STXBP5: variants seen among roughly 807,000 people sequenced by gnomAD.
The protein encoded by STXBP5 is syntaxin binding protein 5.
In STXBP5, 50 loss-of-function variants were observed where a neutral mutation model predicts 152.4. The ratio of observed to expected loss-of-function variants is 0.33; its 90% CI spans 0.26 to 0.42. The LOEUF is 0.42. Among genes scored for constraint, STXBP5 ranks in the 10% least tolerant of loss-of-function variants. The pLI is 1.00. For synonymous variants in STXBP5, 492 were observed against 494.7 expected, an observed-to-expected ratio of 0.99 and a Z score of 0.07; for missense variants, 1,167 against 1,388.6, an observed-to-expected ratio of 0.84 and a Z score of 2.54.
At chr6:147,223,563 T>C (rs1462529202) in intron 2 of STXBP5, among the ~76,000 whole-genome samples, 4 of 152,218 alleles carry the variant, frequency 2.6e-5, no homozygotes, top group African/African-American at 9.6e-5. Flanking sequence ...AAGGTAATGC[T>C]TAATTATACT....
At chr6:147,357,959 T>A (rs577319765) in intron 22 of STXBP5, among the ~76,000 whole-genome samples, 2 of 152,250 alleles carry the variant, frequency 1.3e-5, no homozygotes, top group Admixed American at 1.3e-4. Context: ...TGAGACAAGC[T>A]TGGGATTAGC....
rs191039871 is a variant in STXBP5 at position 147,313,715 on chromosome 6, T to C, written c.1146-169T>C. On this transcript the variant is annotated intron_variant, in intron 11 of 27. Coordinates refer to ENST00000321680, the MANE Select transcript of STXBP5 (RefSeq NM_001127715.4). ...AGAGCCTTTCTGTTTACTATTCTAA[T>C]TGAGCAATTTTCATTATAAAAGACT... 2.8e-3 allele frequency among the ~76,000 whole-genome samples: 424 copies of C among 152,310 alleles called. 4 individuals carry two copies. The highest frequency in any genetic ancestry group is 9.6e-3 in the African/African-American group (401 of 41,588).
At chr6:147,367,027 C>A (rs568082300) in intron 25 of STXBP5, among the ~76,000 whole-genome samples, 1 of 152,242 alleles carries the variant, frequency 6.6e-6, no homozygotes, top group South Asian at 2.1e-4. Flanking sequence ...CCAGAACTGA[C>A]ATACATACCA....
At position 147,260,759 on chromosome 6, in the gene STXBP5, A is replaced by T; in HGVS notation, c.566+10A>T. 6.2e-7 allele frequency: 1 copy of T among 1,611,574 alleles called. No individual in the cohort carries two copies. The highest frequency in any genetic ancestry group is 8.5e-7 in the Non-Finnish European group (1 of 1,178,980). On this transcript the variant is annotated intron_variant, in intron 5 of 27. Transcript: ENST00000321680. ...ATAAAGCCATTGAACTGTGAGTTTG[A>T]ACAAATATTTTGTATCTGAAAGCAT...
At chr6:147,274,371 C>G (rs979465764) in intron 7 of STXBP5, among the ~76,000 whole-genome samples, 1 of 152,012 alleles carries the variant, frequency 6.6e-6, no homozygotes, top group African/African-American at 2.4e-5. Flanking sequence ...CAGTTTATAA[C>G]TATTTATAAT....
chr6:147,346,694 T>C (rs1365674821), intron 21 of STXBP5, among the ~76,000 whole-genome samples: 2 of 151,650 alleles, frequency 1.3e-5, no homozygotes, highest in African/African-American at 4.8e-5. Flanking sequence ...GAGCCAAGAT[T>C]GCACCACTTC....
intron 21 of STXBP5, among the ~76,000 whole-genome samples, chr6:147,348,648 T>C (rs1196937407): frequency 6.6e-6 from 1 of 152,170 alleles, no homozygotes; most frequent in Non-Finnish European, 1.5e-5. Context: ...TCAGAGCTCC[T>C]TGGAGTTGGG....
At chr6:147,271,234 A>G (rs1242164075) in intron 7 of STXBP5, among the ~76,000 whole-genome samples, 3 of 152,170 alleles carry the variant, frequency 2.0e-5, no homozygotes, top group African/African-American at 7.2e-5. Flanking sequence ...TTTTAAAGAT[A>G]CAGATATGTT....
At chr6:147,379,088 A>T (rs1050382786) in intron 26 of STXBP5, among the ~76,000 whole-genome samples, 1 of 146,094 alleles carries the variant, frequency 6.8e-6, no homozygotes, top group African/African-American at 2.6e-5. Context: ...CTGAAGCCAC[A>T]TCTGTCTGCC....
chr6:147,220,403 G>A (rs1777400194), intron 2 of STXBP5, among the ~76,000 whole-genome samples: 1 of 152,074 alleles, frequency 6.6e-6, no homozygotes, highest in Non-Finnish European at 1.5e-5. Flanking sequence ...GGTAAAGAAT[G>A]GTGTTGAGTT....
At chr6:147,349,991 G>A (rs1384351082) in intron 21 of STXBP5, among the ~76,000 whole-genome samples, 2 of 152,156 alleles carry the variant, frequency 1.3e-5, no homozygotes, top group Non-Finnish European at 2.9e-5. Context: ...TGAAGTATCT[G>A]TCAAAGTTGG....
intron 6 of STXBP5, among the ~76,000 whole-genome samples, chr6:147,265,985 C>T (rs1779874364): frequency 6.6e-6 from 1 of 151,860 alleles, no homozygotes; most frequent in Non-Finnish European, 1.5e-5. Context: ...TCACAGAAGG[C>T]TTCCCAGAGG....
rs1011088991 is a variant in STXBP5, at chr6:147,389,879, C to T, written c.*5124C>T. ...AGTACTGTGATACTTTAGGTGTGAC[C>T]TCTATTCCACATGATAGTTAGAACC... On this transcript the variant is annotated 3_prime_UTR_variant, in exon 28 of 28. Transcript: ENST00000321680. The T allele has an allele frequency of 2.6e-5, 4 of 151,196 alleles. No individual in the cohort carries two copies. Among genetic ancestry groups the T allele is most frequent in the South Asian group, 4.2e-4 (2 of 4,806 alleles). 9.4% of individuals were successfully genotyped at this position (151,196 alleles called of 1,614,324 possible).
chr6:147,279,113 A>G (rs1375956588), intron 8 of STXBP5, among the ~76,000 whole-genome samples: 1 of 152,230 alleles, frequency 6.6e-6, no homozygotes, highest in Non-Finnish European at 1.5e-5. Context: ...CCAAGGGCCA[A>G]CCTTGTAAGC....
chr6:147,247,672 C>T (rs1778877014), intron 4 of STXBP5, among the ~76,000 whole-genome samples: 2 of 152,118 alleles, frequency 1.3e-5, no homozygotes, highest in South Asian at 4.1e-4. Flanking sequence ...AGAATTTCTC[C>T]TACAATTCTG....
intron 25 of STXBP5, among the ~76,000 whole-genome samples, chr6:147,365,288 A>T (rs1785243757): frequency 6.6e-6 from 1 of 152,158 alleles, no homozygotes; most frequent in Non-Finnish European, 1.5e-5. Flanking sequence ...AAAGATTCCT[A>T]AGTTTCTGAA....
At chr6:147,298,049 TATAAG>T (rs1443703804) in intron 9 of STXBP5, among the ~76,000 whole-genome samples, 1 of 152,050 alleles carries the variant, frequency 6.6e-6, no homozygotes, top group African/African-American at 2.4e-5. Context: ...ATTTCCCAAT[TATAAG>T]AGATATAGCA....
chr6:147,279,052 T>G (rs1780577796), intron 8 of STXBP5, among the ~76,000 whole-genome samples: 1 of 152,166 alleles, frequency 6.6e-6, no homozygotes, highest in Non-Finnish European at 1.5e-5. Flanking sequence ...TAAATCATCC[T>G]CCTCAGGGAA....
intron 25 of STXBP5, among the ~76,000 whole-genome samples, chr6:147,365,531 G>A (rs1341418148): frequency 6.6e-6 from 1 of 151,960 alleles, no homozygotes; most frequent in Non-Finnish European, 1.5e-5. Context: ...TAAGTTAATA[G>A]CAGCCATAGT....
Sources: gnomAD v4.1 joint callset for allele counts (sites outside exome capture counted in the v4.1 genomes callset) on GRCh38, gnomAD v4.1.1 for gene constraint, MANE v1.5 for transcripts, NCBI Gene and HGNC (gene_info 2026-07-23, HGNC 2026-07-21) for gene names.